COL28A1: variants seen among roughly 807,000 people sequenced by gnomAD.
COL28A1 encodes the protein collagen alpha-1(XXVIII) chain.
COL28A1 carries 161 observed loss-of-function variants against 150.2 expected under a neutral mutation model. That is an observed-to-expected ratio of 1.07 (90% CI 0.94 to 1.22). COL28A1 has a LOEUF of 1.22. Among genes scored for constraint, COL28A1 ranks in the 50% most tolerant of loss-of-function variants. The pLI is 0.00. For synonymous variants in COL28A1, 552 were observed against 469.7 expected, an observed-to-expected ratio of 1.18 and a Z score of -2.26; for missense variants, 1,617 against 1,388.3, an observed-to-expected ratio of 1.16 and a Z score of -2.62.
At chr7:7,510,470 A>G (rs1038928510) in intron 9 of COL28A1, among the ~76,000 whole-genome samples, 2 of 152,154 alleles carry the variant, frequency 1.3e-5, no homozygotes, top group African/African-American at 4.8e-5. Context: ...TTTTTAGTAG[A>G]GATGGTGTTT....
chr7:7,467,806 C>A (rs1356203395), intron 15 of COL28A1, among the ~76,000 whole-genome samples: 1 of 136,076 alleles, frequency 7.3e-6, no homozygotes, highest in East Asian at 2.2e-4. Context: ...AAAAATCTCA[C>A]TCAAAGCCGC....
Position 7,532,758 on chromosome 7 carries a change from C to T in COL28A1, c.118G>A (p.Val40Ile), listed in dbSNP as rs1464763206. The T allele has an allele frequency of 6.2e-7, 1 of 1,604,398 alleles. No homozygotes were observed. Among genetic ancestry groups the T allele is most frequent in the South Asian group, 1.1e-5 (1 of 88,964 alleles). The stretch of plus-strand genomic sequence containing the variant: ...ACAATTTTTTTTTTTTTACCCTGGA[C>T]ATCACTTTTCCTTGCAAGCAAATTT... The part of the protein sequence containing the change: ...KSNLLARKSD[V>I]QGSICFIDIV... Residue 40 changes from valine (V) to isoleucine (I), a missense_variant, in exon 2 of 35, where the codon GTC (valine) becomes ATC (isoleucine). Val to Ile is a conservative substitution (Grantham distance 29). Transcript: ENST00000399429.
chr7:7,406,345 T>G lies in COL28A1; in HGVS notation c.2136+11514A>C, dbSNP rs140078707. On this transcript the variant is annotated intron_variant, in intron 27 of 34. Coordinates refer to ENST00000399429, the MANE Select transcript of COL28A1 (RefSeq NM_001037763.3). ...TCACCCACCAAGTAGCCTCCATACA[T>G]TCATTCAAGTGTTCCTTACTTTGCT... is the stretch of plus-strand genomic sequence containing the variant. 4.2e-3 allele frequency among the ~76,000 whole-genome samples: 639 copies of G among 152,272 alleles called. 3 individuals are homozygous for G. Among genetic ancestry groups the G allele is most frequent in the Non-Finnish European group, 7.6e-3 (515 of 67,990 alleles).
chr7:7,495,023 T>C (rs1411361125), intron 11 of COL28A1, among the ~76,000 whole-genome samples: 2 of 152,012 alleles, frequency 1.3e-5, no homozygotes, highest in African/African-American at 4.8e-5. Flanking sequence ...GGAAACAAGG[T>C]GACACTAGGG....
At chr7:7,404,021 T>A (rs944925045) in intron 27 of COL28A1, among the ~76,000 whole-genome samples, 3 of 152,200 alleles carry the variant, frequency 2.0e-5, no homozygotes, top group African/African-American at 7.2e-5. Flanking sequence ...CCTGGCCCTG[T>A]TGCAGTGTAT....
At chr7:7,473,495 T>C (rs1439347924) in intron 15 of COL28A1, among the ~76,000 whole-genome samples, 5 of 152,256 alleles carry the variant, frequency 3.3e-5, no homozygotes, top group Non-Finnish European at 7.4e-5. Flanking sequence ...GATACCACCT[T>C]ACTCCTGCAA....
At chr7:7,450,779 A>G (rs1786630111) in intron 18 of COL28A1, among the ~76,000 whole-genome samples, 1 of 152,186 alleles carries the variant, frequency 6.6e-6, no homozygotes, top group Non-Finnish European at 1.5e-5. Flanking sequence ...CAATTTAAAT[A>G]TCCACCATCA....
At chr7:7,503,864 A>G (rs1780664812) in intron 11 of COL28A1, among the ~76,000 whole-genome samples, 1 of 152,212 alleles carries the variant, frequency 6.6e-6, no homozygotes, top group South Asian at 2.1e-4. Flanking sequence ...GCGATCCCCA[A>G]CATTATCTAG....
chr7:7,431,608 G>C (rs1261142595), intron 25 of COL28A1: 1 of 471,032 alleles, frequency 2.1e-6, no homozygotes, highest in African/African-American at 2.0e-5. Context: ...TGCAGTCGGG[G>C]CATGAAGGAT....
chr7:7,408,817 T>A (rs1216894837), intron 27 of COL28A1, among the ~76,000 whole-genome samples: 1 of 152,156 alleles, frequency 6.6e-6, no homozygotes, highest in Non-Finnish European at 1.5e-5. Flanking sequence ...TTTATATACC[T>A]CACATCTCCA....
chr7:7,436,293 T>C, intron 23 of COL28A1, 102 bp downstream of exon 23: 1 of 765,976 alleles, frequency 1.3e-6, no homozygotes, highest in Non-Finnish European at 2.3e-6. Flanking sequence ...TTTTAGTTAA[T>C]CAATGTAGAA....
chr7:7,380,901 A>C, intron 28 of COL28A1, 39 bp from the exon 29 acceptor site: 1 of 1,545,328 alleles, frequency 6.5e-7, no homozygotes, highest in Non-Finnish European at 8.9e-7. Flanking sequence ...TCAGAATGTG[A>C]ATCTAAAAGC....
chr7:7,367,682 G>T (rs549061158), intron 33 of COL28A1, among the ~76,000 whole-genome samples: 1 of 152,078 alleles, frequency 6.6e-6, no homozygotes, highest in African/African-American at 2.4e-5. Flanking sequence ...TGTCTCTCAA[G>T]GCCATCAGGC....
chr7:7,350,107 A>T, the COL28A1 span, among the ~76,000 whole-genome samples: 214 of 152,240 alleles, frequency 1.4e-3, 1 homozygote, highest in African/African-American at 4.1e-3. Flanking sequence ...TTGGATCAGA[A>T]TTACTGTAAC....
chr7:7,416,339 T>C (rs1440604442), intron 27 of COL28A1, among the ~76,000 whole-genome samples: 6 of 152,144 alleles, frequency 3.9e-5, no homozygotes, highest in Non-Finnish European at 8.8e-5. Context: ...TAAGTTATAG[T>C]CGGTAAGGAT....
chr7:7,391,008 G>T (rs543594050), intron 27 of COL28A1, among the ~76,000 whole-genome samples: 1 of 152,122 alleles, frequency 6.6e-6, no homozygotes, highest in South Asian at 2.1e-4. Context: ...GTTATTTCTT[G>T]TCTTCTTCTA....
At chr7:7,511,719 G>T in intron 8 of COL28A1, 1 of 470,648 alleles carries the variant, frequency 2.1e-6, no homozygotes, top group South Asian at 1.6e-5. Context: ...ATTGCATCGT[G>T]AGTTAGTGGG....
At chr7:7,533,865 T>C (rs188725693) in intron 1 of COL28A1, among the ~76,000 whole-genome samples, 147 of 152,294 alleles carry the variant, frequency 9.7e-4, no homozygotes, top group African/African-American at 3.2e-3. Flanking sequence ...GAATCAATAC[T>C]TAGTATGGCT....
At chr7:7,503,086 CAGAT>C (rs1194275425) in intron 11 of COL28A1, among the ~76,000 whole-genome samples, 5 of 152,132 alleles carry the variant, frequency 3.3e-5, no homozygotes. Flanking sequence ...GAAGGGAAGA[CAGAT>C]AGAACTTCCA....
Sources: allele counts gnomAD v4.1 joint callset (sites outside exome capture counted in the v4.1 genomes callset), GRCh38; gene constraint gnomAD v4.1.1; transcripts MANE v1.5; gene names NCBI Gene and HGNC (gene_info 2026-07-23, HGNC 2026-07-21).